NOS1AP: variants seen among roughly 807,000 people sequenced by gnomAD.
The protein encoded by NOS1AP is nitric oxide synthase 1 adaptor protein, also known as carboxyl-terminal PDZ ligand of neuronal nitric oxide synthase protein.
Under a neutral mutation model 56.2 loss-of-function variants are expected in NOS1AP, and 21 were observed. That is an observed-to-expected ratio of 0.37 (90% CI 0.26 to 0.54). The LOEUF (loss-of-function observed/expected upper bound fraction) is 0.54. Among genes scored for constraint, NOS1AP ranks in the 20% least tolerant of loss-of-function variants. The pLI, the probability that NOS1AP is intolerant of heterozygous loss-of-function variation, is 0.84. For missense variants in NOS1AP, 522 were observed against 657.8 expected (o/e 0.79, Z 2.26); for synonymous variants, 270 against 274.6 (o/e 0.98, Z 0.17).
chr1:162,287,521 C>T, intron 3 of NOS1AP, 85 bp downstream of exon 3: 1 of 874,918 alleles, frequency 1.1e-6, no homozygotes, highest in Non-Finnish European at 2.0e-6. Flanking sequence ...GGGCCCACCT[C>T]CAGAGAGAAT....
At chr1:162,105,580 C>G (rs943890373) in intron 1 of NOS1AP, among the ~76,000 whole-genome samples, 1 of 152,198 alleles carries the variant, frequency 6.6e-6, no homozygotes, top group Non-Finnish European at 1.5e-5. Flanking sequence ...GAGATCAGAG[C>G]TCTCTCTGTA....
intron 4 of NOS1AP, among the ~76,000 whole-genome samples, chr1:162,310,257 A>G (rs1655983265): frequency 6.6e-6 from 1 of 152,226 alleles, no homozygotes; most frequent in African/African-American, 2.4e-5. Context: ...TATGATATAT[A>G]CATGTCTCTT....
At chr1:162,317,394 T>G (rs921667608) in intron 4 of NOS1AP, 1 of 151,150 alleles carries the variant, frequency 6.6e-6, no homozygotes, top group African/African-American at 2.5e-5. Flanking sequence ...ACACCAAAGT[T>G]TTTTGTATGT....
chr1:162,268,719 C>G (rs1440012451), intron 2 of NOS1AP, among the ~76,000 whole-genome samples: 3 of 151,668 alleles, frequency 2.0e-5, no homozygotes, highest in Non-Finnish European at 4.4e-5. Flanking sequence ...AAACAAGCCT[C>G]TATGAAAAAG....
chr1:162,154,507 G>A (rs779966869), intron 2 of NOS1AP, 31 bp downstream of exon 2: 25 of 1,609,234 alleles, frequency 1.6e-5, no homozygotes, highest in South Asian at 4.4e-5. Context: ...TGTGTGGAGC[G>A]GGGAGTCAAG....
chr1:162,236,043 A>C (rs1339507141), intron 2 of NOS1AP, among the ~76,000 whole-genome samples: 1 of 152,208 alleles, frequency 6.6e-6, no homozygotes, highest in Admixed American at 6.5e-5. Context: ...CCCCAGTCCC[A>C]GTTTAGAGTT....
chr1:162,133,973 G>A (rs559558905), intron 1 of NOS1AP, among the ~76,000 whole-genome samples: 6 of 152,298 alleles, frequency 3.9e-5, no homozygotes, highest in African/African-American at 1.4e-4. Flanking sequence ...TGTGAGATAA[G>A]CTAACTGGGG....
At chr1:162,116,768 G>A (rs1042870509) in intron 1 of NOS1AP, among the ~76,000 whole-genome samples, 6 of 152,156 alleles carry the variant, frequency 3.9e-5, no homozygotes, top group African/African-American at 1.4e-4. Context: ...GATTCAGGAT[G>A]GGTGGGTGTC....
chr1:162,246,594 A>G (rs1345094257), intron 2 of NOS1AP, among the ~76,000 whole-genome samples: 1 of 152,206 alleles, frequency 6.6e-6, no homozygotes. Flanking sequence ...CCATGAGTTG[A>G]TAGTAGTATA....
At chr1:162,267,755 G>A (rs1243268502) in intron 2 of NOS1AP, among the ~76,000 whole-genome samples, 8 of 152,052 alleles carry the variant, frequency 5.3e-5, no homozygotes, top group Admixed American at 5.2e-4. Flanking sequence ...AGAGCAAGAC[G>A]TTGCCTCTGG....
chr1:162,302,192 C>A (rs1055851532), intron 4 of NOS1AP, among the ~76,000 whole-genome samples: 4 of 152,286 alleles, frequency 2.6e-5, no homozygotes, highest in Admixed American at 2.0e-4. Context: ...TTTTTTGCCA[C>A]TAGCCTGTTA....
At chr1:162,102,639 C>G (rs12406484) in intron 1 of NOS1AP, among the ~76,000 whole-genome samples, 74,039 of 151,976 alleles carry the variant, frequency 0.49, 20,962 homozygotes, top group Non-Finnish European at 0.64. Context: ...TTCAGGGATT[C>G]AGTTTCTTCC....
Position 162,115,656 on chromosome 1 carries a change from C to A in NOS1AP, c.106-38749C>A, listed in dbSNP as rs2102045249. Among the ~76,000 whole-genome samples the A allele has an allele frequency of 2.6e-5, 4 of 152,194 alleles. No homozygotes were observed. In the Middle Eastern group the frequency reaches 0.014, roughly 518 times the overall value. ...TCCAATGTGCGTTTTGCCAACAGCC[C>A]CATGTGATTTTTCCGTATAGTTTGA... On this transcript the variant is annotated intron_variant, in intron 1 of 9. Transcript: ENST00000361897.
intron 1 of NOS1AP, among the ~76,000 whole-genome samples, chr1:162,113,248 C>T (rs1451930315): frequency 6.6e-6 from 1 of 152,096 alleles, no homozygotes; most frequent in Admixed American, 6.5e-5. Flanking sequence ...TGTTGGTTCC[C>T]ATAGTAAGCA....
intron 2 of NOS1AP, among the ~76,000 whole-genome samples, chr1:162,163,387 C>T (rs1288804873): frequency 6.6e-6 from 1 of 152,074 alleles, no homozygotes; most frequent in Non-Finnish European, 1.5e-5. Flanking sequence ...AGAGCAGTGC[C>T]CAGACAGCAG....
intron 3 of NOS1AP, among the ~76,000 whole-genome samples, chr1:162,288,136 C>T (rs1017207222): frequency 1.4e-4 from 21 of 152,182 alleles, no homozygotes; most frequent in Admixed American, 7.2e-4. Flanking sequence ...AGGCTAGATT[C>T]GTATGGTGGG....
chr1:162,081,347 C>T (rs1691881461), intron 1 of NOS1AP, among the ~76,000 whole-genome samples: 1 of 151,980 alleles, frequency 6.6e-6, no homozygotes, highest in African/African-American at 2.4e-5. Flanking sequence ...CTTTTCTGGA[C>T]CATGTTGATG....
At chr1:162,190,551 G>A (rs1335421062) in intron 2 of NOS1AP, among the ~76,000 whole-genome samples, 1 of 152,012 alleles carries the variant, frequency 6.6e-6, no homozygotes, top group African/African-American at 2.4e-5. Flanking sequence ...AATATATAAT[G>A]ATCAGATCAG....
In NOS1AP at chr1:162,299,719, A is replaced by T. The variant is rs373866137; in HGVS notation, c.271-914A>T. ...TCTAAAATCCACCTCTATGGATCAT[A>T]TTGGTGTTTAATCAAAATTCAGGGA... On this transcript the variant is annotated intron_variant, in intron 3 of 9. Coordinates refer to ENST00000361897, the MANE Select transcript of NOS1AP (RefSeq NM_014697.3). 5.3e-5 allele frequency among the ~76,000 whole-genome samples: 8 copies of T among 152,242 alleles called. No individual in the cohort carries two copies. In the East Asian group the frequency reaches 1.2e-3, roughly 22 times the overall value.
Sources: allele counts gnomAD v4.1 joint callset (sites outside exome capture counted in the v4.1 genomes callset), GRCh38; gene constraint gnomAD v4.1.1; transcripts MANE v1.5; gene names NCBI Gene and HGNC (gene_info 2026-07-23, HGNC 2026-07-21).